Variants in RFTN1 observed in about 807,000 individuals in gnomAD.
The protein encoded by RFTN1 is raftlin.
In RFTN1, 26 loss-of-function variants were observed where a neutral mutation model predicts 46.5. The observed-to-expected ratio is 0.56, with a 90% CI of 0.41 to 0.78. The LOEUF is 0.78. Ranked by LOEUF, RFTN1 falls within the 30% of genes least tolerant of loss-of-function variation. The pLI is 0.00. For synonymous variants in RFTN1, 261 were observed against 284.2 expected, an observed-to-expected ratio of 0.92 and a Z score of 0.82; for missense variants, 693 against 718.7, an observed-to-expected ratio of 0.96 and a Z score of 0.41.
intron 2 of RFTN1, among the ~76,000 whole-genome samples, chr3:16,488,021 C>T (rs2076478075): frequency 6.6e-6 from 1 of 152,046 alleles, no homozygotes; most frequent in Non-Finnish European, 1.5e-5. Flanking sequence ...ACAAGTGAGG[C>T]TGCATGTTCC....
At position 16,351,731 on chromosome 3, in the gene RFTN1, T is replaced by C. The variant is rs1431294535; in HGVS notation, c.1146+6201A>G. 3.3e-5 allele frequency among the ~76,000 whole-genome samples: 5 copies of C among 152,318 alleles called. No homozygotes were observed. In the East Asian group the frequency reaches 9.6e-4, roughly 29 times the overall value. On this transcript the variant is annotated intron_variant, in intron 7 of 9. Transcript: ENST00000334133. The surrounding 1 kb of genome is among the most constrained non-coding windows in gnomAD (Gnocchi z 5.4). ...TAATTACATGTCTTAATTTAAATGA[T>C]TTAAAAGCATATAAACTATAAGTGC...
At position 16,321,584 on chromosome 3, in the gene RFTN1, G is replaced by T. The variant is rs947024156; in HGVS notation, c.1332+1792C>A. On this transcript the variant is annotated intron_variant, in intron 9 of 9. Transcript: ENST00000334133. This position sits in a 1 kb window ranked among gnomAD's most constrained non-coding sequence, Gnocchi z 4.8. ...AGATTCTTCCAAGGAGTCTGGCTGT[G>T]AAGCCCCCCTCTCTGGAGGACTCCC... Among the ~76,000 whole-genome samples, 3 of 152,180 alleles carry T rather than the reference G, an allele frequency of 2.0e-5. No individual in the cohort carries two copies. The highest frequency in any genetic ancestry group is 4.4e-5 in the Non-Finnish European group (3 of 68,028).
At position 16,459,105 on chromosome 3, in the gene RFTN1, G is replaced by T. The variant is rs2075963525; in HGVS notation, c.146-25068C>A. Among the ~76,000 whole-genome samples the T allele has an allele frequency of 6.6e-6, 1 of 151,982 alleles. No homozygotes were observed. The highest frequency in any genetic ancestry group is 2.4e-5 in the African/African-American group (1 of 41,374). ...GTGCACCATGCCCAGCTAATTTTTT[G>T]TATTTTTTGTAGAGATGAGGTTTCG... On this transcript the variant is annotated intron_variant, in intron 2 of 9. Transcript: ENST00000334133. The surrounding 1 kb of genome is among the most constrained non-coding windows in gnomAD (Gnocchi z 4.2).
chr3:16,402,199 C>T lies in RFTN1; in HGVS notation c.441+7176G>A, dbSNP rs757396290. On this transcript the variant is annotated intron_variant, in intron 4 of 9. Transcript: ENST00000334133. The surrounding 1 kb of genome is among the most constrained non-coding windows in gnomAD (Gnocchi z 4.5). ...GTCACCCAGGTGTCATCCTTGGCACCTCTCTCTCCTTCAATGACACGAAGG... is the reference window on the plus strand; with the variant it reads ...GTCACCCAGGTGTCATCCTTGGCACTTCTCTCTCCTTCAATGACACGAAGG... Among the ~76,000 whole-genome samples, 10 of 152,214 alleles carry T rather than the reference C, an allele frequency of 6.6e-5. No individual in the cohort carries two copies. Among genetic ancestry groups the T allele is most frequent in the Non-Finnish European group, 1.5e-4 (10 of 68,042 alleles).
intron 4 of RFTN1, among the ~76,000 whole-genome samples, chr3:16,397,139 G>A (rs1003701212): frequency 3.3e-5 from 5 of 151,636 alleles, no homozygotes; most frequent in African/African-American, 1.2e-4. Flanking sequence ...ATTGTAAGAG[G>A]TATATGTGTG....
In RFTN1 at chr3:16,512,143, T is replaced by A. The variant is rs975787974; in HGVS notation, c.-9+1299A>T. On this transcript the variant is annotated intron_variant, in intron 1 of 9. Coordinates refer to ENST00000334133, the MANE Select transcript of RFTN1 (RefSeq NM_015150.2). The surrounding 1 kb of genome is among the most constrained non-coding windows in gnomAD (Gnocchi z 4.3). ...GGGTTTGGTGACATCTGGGGTCACT[T>A]GAACTTCGTTGGGATTCAGCTGTTC... is the stretch of plus-strand genomic sequence containing the variant. Among the ~76,000 whole-genome samples the A allele has an allele frequency of 6.6e-6, 1 of 152,118 alleles. No homozygotes were observed. Among genetic ancestry groups the A allele is most frequent in the Non-Finnish European group, 1.5e-5 (1 of 68,012 alleles).
In RFTN1 at chr3:16,447,321, G is replaced by C. The variant is rs73816461; in HGVS notation, c.146-13284C>G. ...TTGTTCTCTAAAACAGGCTTCCACA[G>C]CTGCATTTTCAGCTTTGCATGAAGG... On this transcript the variant is annotated intron_variant, in intron 2 of 9. Transcript: ENST00000334133. This position sits in a 1 kb window ranked among gnomAD's most constrained non-coding sequence, Gnocchi z 5.9. Among the ~76,000 whole-genome samples the C allele has an allele frequency of 5.4e-3, 823 of 152,324 alleles. 9 individuals are homozygous for C. The highest frequency in any genetic ancestry group is 0.019 in the African/African-American group (775 of 41,558).
intron 6 of RFTN1, 83 bp from the exon 7 acceptor site, chr3:16,358,130 C>G (rs1480736775): frequency 1.3e-6 from 1 of 764,304 alleles, no homozygotes; most frequent in Non-Finnish European, 2.3e-6. Flanking sequence ...AACATTTCCA[C>G]TGCATTCATT....
chr3:16,349,433 G>A (rs935393153), intron 7 of RFTN1: 1 of 152,320 alleles, frequency 6.6e-6, no homozygotes, highest in African/African-American at 2.4e-5. Flanking sequence ...ACCCAAAAGA[G>A]GAGGAATGTT....
chr3:16,486,207 C>T (rs189251967), intron 2 of RFTN1, among the ~76,000 whole-genome samples: 103 of 152,286 alleles, frequency 6.8e-4, no homozygotes, highest in African/African-American at 2.4e-3. Flanking sequence ...ACTGAGGCCA[C>T]CTTTACCTTG....
intron 2 of RFTN1, among the ~76,000 whole-genome samples, chr3:16,445,466 T>TTCTCTCTC (rs374357758): frequency 3.4e-5 from 4 of 116,300 alleles, no homozygotes; most frequent in Non-Finnish European, 7.0e-5. Context: ...CTTTCTCTCT[T>TTCTCTCTC]TCTCTCTCTC....
rs115690143 is a variant in RFTN1 at position 16,326,600 on chromosome 3, G to A, written c.1250+173C>T. 6.5e-3 allele frequency among the ~76,000 whole-genome samples: 995 copies of A among 152,264 alleles called. 13 individuals carry two copies. The highest frequency in any genetic ancestry group is 0.022 in the African/African-American group (894 of 41,538). ...GGTGCAGGGGAGTTCTCTGGGTGAC[G>A]GTGGTTAAGAATGTGAAATTCTGGC... On this transcript the variant is annotated intron_variant, in intron 8 of 9. Transcript: ENST00000334133.
intron 7 of RFTN1, 68 bp downstream of exon 7, chr3:16,357,864 G>T: frequency 1.0e-6 from 1 of 995,278 alleles, no homozygotes. Flanking sequence ...CCCACGGTCA[G>T]ATCAAGCAGG....
At chr3:16,398,694 A>G (rs2074532834) in intron 4 of RFTN1, among the ~76,000 whole-genome samples, 1 of 152,130 alleles carries the variant, frequency 6.6e-6, no homozygotes, top group African/African-American at 2.4e-5. Flanking sequence ...GCCTCAGGCA[A>G]AGTCATGTCA....
Position 16,452,385 on chromosome 3 carries a change from A to G in RFTN1, c.146-18348T>C, listed in dbSNP as rs1208985127. Among the ~76,000 whole-genome samples, 1 of 152,198 alleles carries G rather than the reference A, an allele frequency of 6.6e-6. No homozygotes were observed. The highest frequency in any genetic ancestry group is 6.5e-5 in the Admixed American group (1 of 15,284). Reference sequence around the variant, plus strand: ...CATTCAGATACCTTTGTAAACATCTAAAGTCTCCCTCCATCTTCACAATGT... The same window carrying G: ...CATTCAGATACCTTTGTAAACATCTGAAGTCTCCCTCCATCTTCACAATGT... On this transcript the variant is annotated intron_variant, in intron 2 of 9. Coordinates refer to ENST00000334133, the MANE Select transcript of RFTN1 (RefSeq NM_015150.2). The surrounding 1 kb of genome is among the most constrained non-coding windows in gnomAD (Gnocchi z 6.3).
chr3:16,387,570 T>TTCTTTCTCTCTCTCTCTCTCTC lies in RFTN1; in HGVS notation c.442-9469_442-9468insGAGAGAGAGAGAGAGAGAAAGA, dbSNP rs1224689232. Among the ~76,000 whole-genome samples the TTCTTTCTCTCTCTCTCTCTCTC allele has an allele frequency of 9.4e-5, 11 of 116,498 alleles. No homozygotes were observed. The highest frequency in any genetic ancestry group is 4.3e-4 in the African/African-American group (11 of 25,612). 76.4% of individuals were successfully genotyped at this position (116,498 alleles called of 152,430 possible). ...CACTTCTCTCTTCTATATCCTCAAT[T>TTCTTTCTCTCTCTCTCTCTCTC]TCTCTCTCTCTCTCTCTCTCTCTCT... On this transcript the variant is annotated intron_variant, in intron 4 of 9. Transcript: ENST00000334133. This position sits in a 1 kb window ranked among gnomAD's most constrained non-coding sequence, Gnocchi z 5.2.
At chr3:16,373,089 C>T (rs1233259878) in intron 5 of RFTN1, among the ~76,000 whole-genome samples, 3 of 152,154 alleles carry the variant, frequency 2.0e-5, no homozygotes, top group Non-Finnish European at 4.4e-5. Context: ...CCAAAGATTC[C>T]AAAAAGAAGC....
At position 16,370,725 on chromosome 3, in the gene RFTN1, T is replaced by C. The variant is rs772661393; in HGVS notation, c.827-446A>G. 1.1e-5 allele frequency: 2 copies of C among 187,050 alleles called. No homozygotes were observed. Among genetic ancestry groups the C allele is most frequent in the Non-Finnish European group, 2.3e-5 (2 of 87,964 alleles). 11.6% of individuals were successfully genotyped at this position (187,050 alleles called of 1,614,324 possible). A position where few individuals can be genotyped will look rare whatever the true frequency, so the allele number is the denominator to read the frequency against. On this transcript the variant is annotated intron_variant, in intron 5 of 9. Transcript: ENST00000334133. This position sits in a 1 kb window ranked among gnomAD's most constrained non-coding sequence, Gnocchi z 5.5. ...AATACTGCTCTAATTCCAGGAACCT[T>C]GTACACTCCTGAACTCACTATTTAT... is the stretch of plus-strand genomic sequence containing the variant.
rs1435167961 is a variant in RFTN1, at chr3:16,348,976, G to C, written c.1146+8956C>G. ...GGCTAAAAGAGGTAAAAGAGGGACA[G>C]ACAGCCATCCCAGGCTCCACTATCC... On this transcript the variant is annotated intron_variant, in intron 7 of 9. Transcript: ENST00000334133. The surrounding 1 kb of genome is among the most constrained non-coding windows in gnomAD (Gnocchi z 6.3). 6.6e-6 allele frequency among the ~76,000 whole-genome samples: 1 copy of C among 152,212 alleles called. No homozygotes were observed. The highest frequency in any genetic ancestry group is 1.5e-5 in the Non-Finnish European group (1 of 68,034).
Sources: gnomAD v4.1 joint callset for allele counts (sites outside exome capture counted in the v4.1 genomes callset) on GRCh38, gnomAD v4.1.1 for gene constraint, Gnocchi (gnomAD v3.1) non-coding constraint, MANE v1.5 for transcripts, NCBI Gene and HGNC (gene_info 2026-07-23, HGNC 2026-07-21) for gene names.